Variants in ITGB6 observed in about 807,000 individuals in gnomAD.
ITGB6 encodes integrin beta-6.
ITGB6 carries 80 observed loss-of-function variants against 84.5 expected under a neutral mutation model. The observed-to-expected ratio is 0.95, with a 90% confidence interval of 0.79 to 1.14. The LOEUF (loss-of-function observed/expected upper bound fraction) is 1.14, where lower values mean the gene tolerates loss of function less well. ITGB6 is among the 50% of genes most tolerant of loss of function. The pLI is 0.00. For missense variants in ITGB6, 1,006 were observed against 968.0 expected, an observed-to-expected ratio of 1.04 and a Z score of -0.52; for synonymous variants, 383 against 354.9, an observed-to-expected ratio of 1.08 and a Z score of -0.89.
intron 7 of ITGB6, among the ~76,000 whole-genome samples, chr2:160,158,386 C>T (rs1032245980): frequency 6.6e-6 from 1 of 152,178 alleles, no homozygotes; most frequent in Non-Finnish European, 1.5e-5. Flanking sequence ...ATGGATCCAC[C>T]GTGCATGACT....
In ITGB6 at chr2:160,173,691, A is replaced by G. The variant is rs558725834; in HGVS notation, c.759+283T>C. ...CATGATTAATCCAAAAACTAATCTG[A>G]TCTTGATCTTTGAAAATCAATCATG... On this transcript the variant is annotated intron_variant, in intron 5 of 14. Transcript: ENST00000283249. Among the ~76,000 whole-genome samples the G allele has an allele frequency of 2.6e-5, 4 of 152,258 alleles. No individual in the cohort carries two copies. The South Asian group carries it at 8.3e-4, about 32-fold the overall frequency.
chr2:160,197,009 C>T (rs1457836083), intron 2 of ITGB6, among the ~76,000 whole-genome samples: 2 of 152,230 alleles, frequency 1.3e-5, no homozygotes, highest in South Asian at 2.1e-4. Context: ...CGGTCTGTTA[C>T]CCTTATATTG....
At position 160,195,586 on chromosome 2, in the gene ITGB6, G is replaced by A. The variant is rs760724592; in HGVS notation, c.376C>T (p.Arg126Cys). The change falls in exon 4 of 15, where the codon CGC becomes TGC. Residue 126 changes from arginine (R) to cysteine (C), a missense_variant. Arg to Cys is a radical substitution (Grantham distance 180). Coordinates refer to ENST00000283249, the MANE Select transcript of ITGB6 (RefSeq NM_000888.5). Reference protein sequence around the residue: ...GGAQTLQVHVRQTEDYPVDLY... With the variant: ...GGAQTLQVHVCQTEDYPVDLY... ...TCCACCGGGTAGTCCTCAGTCTGGCGGACATGCACCTGCAGAGTCTGCGCA... is the reference window on the plus strand; with the variant it reads ...TCCACCGGGTAGTCCTCAGTCTGGCAGACATGCACCTGCAGAGTCTGCGCA... 22 of 1,613,944 alleles carry A rather than the reference G, an allele frequency of 1.4e-5. No homozygotes were observed. The highest frequency in any genetic ancestry group is 1.6e-4 in the Middle Eastern group (1 of 6,066).
intron 7 of ITGB6, among the ~76,000 whole-genome samples, chr2:160,156,588 C>T (rs1401140949): frequency 6.6e-6 from 1 of 151,770 alleles, no homozygotes; most frequent in East Asian, 1.9e-4. Flanking sequence ...AAACCTGCCT[C>T]CTACCACCAC....
intron 10 of ITGB6, among the ~76,000 whole-genome samples, chr2:160,131,283 G>C (rs1425880860): frequency 2.0e-5 from 3 of 152,160 alleles, no homozygotes; most frequent in Non-Finnish European, 4.4e-5. Context: ...AAATACAGGA[G>C]ACTAATGGAA....
At chr2:160,134,958 G>A (rs1409508751) in intron 10 of ITGB6, among the ~76,000 whole-genome samples, 4 of 152,072 alleles carry the variant, frequency 2.6e-5, no homozygotes, top group South Asian at 2.1e-4. Context: ...ATACTGAATG[G>A]GCAAAAACTG....
chr2:160,175,386 A>C (rs988934335), intron 4 of ITGB6, among the ~76,000 whole-genome samples: 4 of 152,192 alleles, frequency 2.6e-5, no homozygotes, highest in African/African-American at 9.7e-5. Context: ...GTAGACAGGC[A>C]AAACAAAACA....
chr2:160,194,392 A>C (rs1686255425), intron 4 of ITGB6, among the ~76,000 whole-genome samples: 1 of 151,952 alleles, frequency 6.6e-6, no homozygotes, highest in African/African-American at 2.4e-5. Context: ...GGTGTATAAA[A>C]GTATTATAAA....
chr2:160,100,358 C>T lies in ITGB6; in HGVS notation c.*1378G>A, dbSNP rs563659279. 4.5e-4 allele frequency: 68 copies of T among 152,332 alleles called. No individual in the cohort carries two copies. The highest frequency in any genetic ancestry group is 1.6e-3 in the African/African-American group (66 of 41,580). 9.4% of individuals were successfully genotyped at this position (152,332 alleles called of 1,614,324 possible). A position where few individuals can be genotyped will look rare whatever the true frequency, so the allele number is the denominator to read the frequency against. On this transcript the variant is annotated 3_prime_UTR_variant, in exon 15 of 15. Coordinates refer to ENST00000283249, the MANE Select transcript of ITGB6 (RefSeq NM_000888.5). ...CATCTATATGCCAGCAGTTTAAATG[C>T]TATTTGTTCAGTCTCGAACATTTTC...
At chr2:160,125,393 T>A (rs898388562) in intron 11 of ITGB6, among the ~76,000 whole-genome samples, 1 of 152,224 alleles carries the variant, frequency 6.6e-6, no homozygotes, top group Non-Finnish European at 1.5e-5. Flanking sequence ...TAAGATTGAA[T>A]CATATTTATA....
At chr2:160,116,631 T>C (rs1682782304) in intron 12 of ITGB6, among the ~76,000 whole-genome samples, 1 of 151,946 alleles carries the variant, frequency 6.6e-6, no homozygotes, top group Non-Finnish European at 1.5e-5. Context: ...CCAGCTAACA[T>C]CATAATGACA....
At chr2:160,110,129 A>G (rs781688858) in intron 13 of ITGB6, among the ~76,000 whole-genome samples, 127 of 152,304 alleles carry the variant, frequency 8.3e-4, no homozygotes, top group Non-Finnish European at 1.3e-3. Flanking sequence ...TTGTACAGCC[A>G]GTAGGAGGCA....
intron 6 of ITGB6, 88 bp downstream of exon 6, chr2:160,172,481 T>A: frequency 8.1e-7 from 1 of 1,230,446 alleles, no homozygotes; most frequent in South Asian, 1.7e-5. Flanking sequence ...TTTCACCAAG[T>A]GTATGTTATT....
chr2:160,181,355 G>A (rs970851942), intron 4 of ITGB6, among the ~76,000 whole-genome samples: 3 of 152,208 alleles, frequency 2.0e-5, no homozygotes, highest in Non-Finnish European at 4.4e-5. Context: ...CCCTCACAGT[G>A]TAAACAAAGC....
At chr2:160,187,976 C>T (rs922597423) in intron 4 of ITGB6, among the ~76,000 whole-genome samples, 6 of 151,900 alleles carry the variant, frequency 3.9e-5, no homozygotes, top group Non-Finnish European at 5.9e-5. Context: ...TTAATGAGAG[C>T]GAGAAAAAAT....
At chr2:160,193,978 G>A (rs1025959822) in intron 4 of ITGB6, among the ~76,000 whole-genome samples, 10 of 152,264 alleles carry the variant, frequency 6.6e-5, no homozygotes, top group South Asian at 2.1e-4. Flanking sequence ...CCAACATAGC[G>A]AAACCCAGTC....
At chr2:160,116,562 C>A (rs1376758193) in intron 12 of ITGB6, among the ~76,000 whole-genome samples, 1 of 152,078 alleles carries the variant, frequency 6.6e-6, no homozygotes, top group African/African-American at 2.4e-5. Flanking sequence ...CAAAAACATG[C>A]CAAAATGTAA....
At chr2:160,175,632 G>C (rs1272376013) in intron 4 of ITGB6, among the ~76,000 whole-genome samples, 1 of 152,232 alleles carries the variant, frequency 6.6e-6, no homozygotes, top group African/African-American at 2.4e-5. Context: ...CTAAGTGCAA[G>C]AAGGCTGTGA....
chr2:160,173,615 G>A (rs1466348767), intron 5 of ITGB6, among the ~76,000 whole-genome samples: 7 of 152,176 alleles, frequency 4.6e-5, no homozygotes, highest in African/African-American at 1.2e-4. Flanking sequence ...ATATACTGAC[G>A]TAGAGCATTT....
Sources: allele counts gnomAD v4.1 joint callset (sites outside exome capture counted in the v4.1 genomes callset), GRCh38; gene constraint gnomAD v4.1.1; transcripts MANE v1.5; gene names NCBI Gene and HGNC (gene_info 2026-07-23, HGNC 2026-07-21).